Variants in PDSS2 observed in about 807,000 individuals in gnomAD.
PDSS2 encodes the protein decaprenyl diphosphate synthase subunit 2.
PDSS2 carries 31 observed loss-of-function variants against 44.5 expected under a neutral mutation model. The ratio of observed to expected loss-of-function variants is 0.70; its 90% CI spans 0.52 to 0.94. The LOEUF is 0.94. Among genes scored for constraint, PDSS2 ranks in the 40% least tolerant of loss-of-function variants. The probability of loss-of-function intolerance (pLI) is 0.00; values close to 1 mark genes in which losing one functional copy is unlikely to be tolerated. For synonymous variants in PDSS2, 157 were observed against 180.3 expected (o/e 0.87, Z 1.03); for missense variants, 452 against 482.2 (o/e 0.94, Z 0.59).
intron 2 of PDSS2, among the ~76,000 whole-genome samples, chr6:107,285,799 G>T (rs1355655776): frequency 6.6e-6 from 1 of 152,122 alleles, no homozygotes; most frequent in Non-Finnish European, 1.5e-5. Context: ...CATGGGGTGA[G>T]ATAGTTTTGC....
chr6:107,270,909 A>G (rs1253926260), intron 3 of PDSS2, among the ~76,000 whole-genome samples: 1 of 152,240 alleles, frequency 6.6e-6, no homozygotes, highest in African/African-American at 2.4e-5. Context: ...ATGACACTGA[A>G]CTAAAACTGG....
chr6:107,357,769 A>G (rs1778638002), intron 1 of PDSS2, among the ~76,000 whole-genome samples: 1 of 152,194 alleles, frequency 6.6e-6, no homozygotes, highest in Admixed American at 6.5e-5. Flanking sequence ...ACAATGATAA[A>G]GAATTTAAAA....
chr6:107,260,806 G>A (rs1182798182), intron 3 of PDSS2, among the ~76,000 whole-genome samples: 4 of 151,740 alleles, frequency 2.6e-5, no homozygotes, highest in South Asian at 2.1e-4. Context: ...TGGGACTACA[G>A]GCGCCCGCCA....
intron 1 of PDSS2, among the ~76,000 whole-genome samples, chr6:107,400,586 G>A (rs778276510): frequency 6.6e-6 from 1 of 152,158 alleles, no homozygotes; most frequent in Admixed American, 6.5e-5. Flanking sequence ...GAGGTGGTCT[G>A]CAAGAGAAAG....
chr6:107,292,679 A>G (rs189999758), intron 2 of PDSS2, among the ~76,000 whole-genome samples: 1 of 152,322 alleles, frequency 6.6e-6, no homozygotes, highest in Non-Finnish European at 1.5e-5. Context: ...ATTTAAGAAC[A>G]TTTTTCTAAA....
chr6:107,429,691 C>A (rs529863776), intron 1 of PDSS2, among the ~76,000 whole-genome samples: 1 of 151,430 alleles, frequency 6.6e-6, no homozygotes, highest in South Asian at 2.1e-4. Context: ...TTGAGACCAG[C>A]CTGACCAACA....
intron 1 of PDSS2, 87 bp from the exon 2 acceptor site, chr6:107,334,419 C>A (rs1164521760): frequency 3.3e-6 from 4 of 1,197,438 alleles, no homozygotes; most frequent in Non-Finnish European, 4.9e-6. Context: ...GATGCCCACA[C>A]TTCTAAAACT....
At chr6:107,431,689 GA>G (rs900279660) in intron 1 of PDSS2, among the ~76,000 whole-genome samples, 4 of 150,018 alleles carry the variant, frequency 2.7e-5, no homozygotes, top group Non-Finnish European at 5.9e-5. Flanking sequence ...CTTGGGCAAA[GA>G]AAAAAAAAGA....
chr6:107,436,062 A>C (rs1047294707), intron 1 of PDSS2, among the ~76,000 whole-genome samples: 6 of 152,218 alleles, frequency 3.9e-5, no homozygotes, highest in African/African-American at 1.4e-4. Context: ...AAAATATTAA[A>C]TCAGAAACAA....
intron 7 of PDSS2, among the ~76,000 whole-genome samples, chr6:107,169,055 A>G (rs563477651): frequency 1.5e-3 from 233 of 152,070 alleles, no homozygotes; most frequent in African/African-American, 5.5e-3. Flanking sequence ...TCTCCTGGAT[A>G]ATATCCTGCA....
chr6:107,241,433 G>A (rs1774426214), intron 4 of PDSS2, among the ~76,000 whole-genome samples: 1 of 137,444 alleles, frequency 7.3e-6, no homozygotes, highest in African/African-American at 2.7e-5. Context: ...TGCAAGCTCT[G>A]CCTCCCGGGT....
rs1014095696 is a variant in PDSS2 at position 107,355,168 on chromosome 6, C to T, written c.297-20836G>A. Reference sequence around the variant, plus strand: ...TCTCTTGACCTTGTGATCTGCCCACCTCAGCCTCCCAAAGTGCTGGGATTA... The same window carrying T: ...TCTCTTGACCTTGTGATCTGCCCACTTCAGCCTCCCAAAGTGCTGGGATTA... On this transcript the variant is annotated intron_variant, in intron 1 of 7. Transcript: ENST00000369037. Among the ~76,000 whole-genome samples the T allele has an allele frequency of 2.6e-5, 4 of 152,214 alleles. No individual in the cohort carries two copies. The East Asian group carries it at 7.7e-4, about 29-fold the overall frequency.
chr6:107,164,945 A>G (rs1554247266), intron 7 of PDSS2, among the ~76,000 whole-genome samples: 1 of 151,758 alleles, frequency 6.6e-6, no homozygotes, highest in African/African-American at 2.4e-5. Flanking sequence ...TCATGTGTCT[A>G]TTGGCTGCAT....
At chr6:107,453,375 T>C (rs1225407119) in intron 1 of PDSS2, among the ~76,000 whole-genome samples, 1 of 152,200 alleles carries the variant, frequency 6.6e-6, no homozygotes, top group Non-Finnish European at 1.5e-5. Context: ...CATTGATTTT[T>C]AAAAAATACT....
At chr6:107,363,308 C>T (rs1778839626) in intron 1 of PDSS2, among the ~76,000 whole-genome samples, 1 of 152,176 alleles carries the variant, frequency 6.6e-6, no homozygotes, top group African/African-American at 2.4e-5. Context: ...AGAATGAAGC[C>T]GCAGACCCTC....
At chr6:107,386,248 A>G (rs562244447) in intron 1 of PDSS2, among the ~76,000 whole-genome samples, 1 of 152,302 alleles carries the variant, frequency 6.6e-6, no homozygotes, top group South Asian at 2.1e-4. Context: ...TCCCATATAC[A>G]GGAATCAAAA....
At position 107,210,540 on chromosome 6, in the gene PDSS2, C is replaced by G; in HGVS notation, c.907G>C (p.Glu303Gln). ...AAAGTCATGGAGTCACTGGTCTTTT[C>G]TTTAATAAAAGGCTGGACATCAGAA... ...INSDVQPFIK[E>Q]KTSDSMTFNL... The change falls in exon 6 of 8, where the codon GAA (glutamate) becomes CAA (glutamine). Residue 303 changes from glutamate to glutamine, a missense_variant. Glu to Gln is a conservative substitution (Grantham distance 29). Transcript: ENST00000369037. 1 of 1,601,546 alleles carries G rather than the reference C, an allele frequency of 6.2e-7. No individual in the cohort carries two copies. Among genetic ancestry groups the G allele is most frequent in the Non-Finnish European group, 8.6e-7 (1 of 1,168,878 alleles).
At chr6:107,274,821 C>T (rs573715214) in intron 2 of PDSS2, among the ~76,000 whole-genome samples, 7 of 151,914 alleles carry the variant, frequency 4.6e-5, no homozygotes, top group African/African-American at 9.7e-5. Context: ...TACAGGTGTG[C>T]GACACCAAGC....
chr6:107,357,497 T>TAA (rs35425057), intron 1 of PDSS2, among the ~76,000 whole-genome samples: 1 of 151,480 alleles, frequency 6.6e-6, no homozygotes, highest in Non-Finnish European at 1.5e-5. Flanking sequence ...TATTTGAATG[T>TAA]AAAAAAAAAT....
Sources: gnomAD v4.1 joint callset for allele counts (sites outside exome capture counted in the v4.1 genomes callset) on GRCh38, gnomAD v4.1.1 for gene constraint, MANE v1.5 for transcripts, NCBI Gene and HGNC (gene_info 2026-07-23, HGNC 2026-07-21) for gene names.